The following CCDC83 variants were observed in gnomAD, a reference collection of about 807,000 sequenced individuals.
CCDC83 encodes coiled-coil domain-containing protein 83.
A neutral mutation model predicts 50.1 loss-of-function variants in CCDC83; 54 were observed. That is an observed-to-expected ratio of 1.08 (90% CI 0.87 to 1.35). The LOEUF (loss-of-function observed/expected upper bound fraction) is 1.35, where lower values mean the gene tolerates loss of function less well. Among genes scored for constraint, CCDC83 ranks in the 40% most tolerant of loss-of-function variants. The pLI, the probability that CCDC83 is intolerant of heterozygous loss-of-function variation, is 0.00. For synonymous variants in CCDC83, 161 were observed against 153.3 expected, an observed-to-expected ratio of 1.05 and a Z score of -0.37; for missense variants, 518 against 473.9, an observed-to-expected ratio of 1.09 and a Z score of -0.86.
At chr11:85,870,313 G>A (rs957698601) in intron 2 of CCDC83, among the ~76,000 whole-genome samples, 1 of 152,174 alleles carries the variant, frequency 6.6e-6, no homozygotes, top group Non-Finnish European at 1.5e-5. Flanking sequence ...GAGCCCATCT[G>A]TAGACTCAGT....
chr11:85,887,828 G>A (rs1196161931), intron 5 of CCDC83, among the ~76,000 whole-genome samples: 6 of 125,304 alleles, frequency 4.8e-5, no homozygotes, highest in Admixed American at 2.8e-4. Flanking sequence ...TTCGAGACAC[G>A]GTCTCACTCT....
chr11:85,868,809 G>A (rs1459287431), intron 2 of CCDC83, among the ~76,000 whole-genome samples: 1 of 152,224 alleles, frequency 6.6e-6, no homozygotes, highest in Non-Finnish European at 1.5e-5. Flanking sequence ...ACTGCGCCCA[G>A]CCCAGATTTG....
At chr11:85,896,783 T>A (rs1242073772) in intron 6 of CCDC83, among the ~76,000 whole-genome samples, 1 of 151,202 alleles carries the variant, frequency 6.6e-6, no homozygotes, top group African/African-American at 2.4e-5. Context: ...TTTTTAACAA[T>A]CTTGACCTCT....
At chr11:85,902,823 A>G (rs1373044305) in intron 7 of CCDC83, among the ~76,000 whole-genome samples, 1 of 152,218 alleles carries the variant, frequency 6.6e-6, no homozygotes, top group Non-Finnish European at 1.5e-5. Flanking sequence ...GCCCATGTTT[A>G]TACCATGGGT....
intron 2 of CCDC83, among the ~76,000 whole-genome samples, chr11:85,869,658 T>C (rs1945107304): frequency 6.6e-6 from 1 of 152,256 alleles, no homozygotes; most frequent in Non-Finnish European, 1.5e-5. Flanking sequence ...CAAACTGCTT[T>C]AATGTATATT....
intron 1 of CCDC83, 79 bp from the exon 2 acceptor site, chr11:85,865,017 A>T (rs1354963291): frequency 8.4e-6 from 6 of 713,746 alleles, no homozygotes; most frequent in African/African-American, 1.8e-5. Flanking sequence ...TAAGTCCCAG[A>T]GGTACCTTAT....
intron 10 of CCDC83, among the ~76,000 whole-genome samples, chr11:85,918,197 G>A (rs2093491619): frequency 6.6e-6 from 1 of 152,184 alleles, no homozygotes; most frequent in Non-Finnish European, 1.5e-5. Context: ...GCATTTAAGG[G>A]AGAGAACAGC....
chr11:85,871,123 T>C (rs924626311), intron 2 of CCDC83, among the ~76,000 whole-genome samples: 3 of 152,202 alleles, frequency 2.0e-5, no homozygotes, highest in Non-Finnish European at 4.4e-5. Flanking sequence ...GCCGAGATCA[T>C]GCTGCTGCAC....
chr11:85,873,516 T>C (rs2093252023), intron 3 of CCDC83, among the ~76,000 whole-genome samples: 2 of 152,208 alleles, frequency 1.3e-5, no homozygotes, highest in South Asian at 2.1e-4. Flanking sequence ...TGGGTTGAAT[T>C]ATGTTATTTA....
chr11:85,877,401 T>C (rs1454195499), intron 3 of CCDC83, among the ~76,000 whole-genome samples: 1 of 152,162 alleles, frequency 6.6e-6, no homozygotes, highest in East Asian at 1.9e-4. Flanking sequence ...AGCCCAGGAG[T>C]TTGAGGTTAC....
chr11:85,919,604 C>T lies in CCDC83; in HGVS notation c.*94C>T, dbSNP rs996784092. ...TGCCCATTTTACTTACACTTTGGCT[C>T]ATTTTTAAACCAGCTGTTATTTCTA... On this transcript the variant is annotated 3_prime_UTR_variant, in exon 11 of 11. Coordinates refer to ENST00000342404, the MANE Select transcript of CCDC83 (RefSeq NM_001286159.2). 28 of 854,118 alleles carry T rather than the reference C, an allele frequency of 3.3e-5. No individual in the cohort carries two copies. The highest frequency in any genetic ancestry group is 3.4e-4 in the Middle Eastern group (1 of 2,946). 52.9% of individuals were successfully genotyped at this position (854,118 alleles called of 1,614,324 possible). A position where few individuals can be genotyped will look rare whatever the true frequency, so the allele number is the denominator to read the frequency against.
intron 2 of CCDC83, among the ~76,000 whole-genome samples, chr11:85,867,119 G>C (rs1346048875): frequency 6.6e-6 from 1 of 152,128 alleles, no homozygotes; most frequent in African/African-American, 2.4e-5. Flanking sequence ...GTAGTAGCCT[G>C]ATTATAGCTC....
intron 10 of CCDC83, among the ~76,000 whole-genome samples, chr11:85,918,405 G>A (rs1041021005): frequency 6.6e-6 from 1 of 152,154 alleles, no homozygotes; most frequent in Admixed American, 6.5e-5. Context: ...TGAACACTTG[G>A]GAAAGGTTTG....
chr11:85,870,290 T>C (rs2093229684), intron 2 of CCDC83, among the ~76,000 whole-genome samples: 1 of 152,204 alleles, frequency 6.6e-6, no homozygotes, highest in Non-Finnish European at 1.5e-5. Flanking sequence ...AGCCAGGGAA[T>C]TGGTCTATTA....
chr11:85,917,166 G>GAGAGAGAGAGAGAGAGAAAGAA (rs756949334), intron 10 of CCDC83, among the ~76,000 whole-genome samples: 1 of 62,414 alleles, frequency 1.6e-5, no homozygotes, highest in African/African-American at 5.6e-5. Context: ...GAGAGAGAGA[G>GAGAGAGAGAGAGAGAGAAAGAA]AGAAAGAAAG....
intron 3 of CCDC83, among the ~76,000 whole-genome samples, chr11:85,875,801 C>T (rs796198595): frequency 2.6e-5 from 4 of 152,288 alleles, no homozygotes; most frequent in African/African-American, 9.6e-5. Context: ...CACATCATCT[C>T]TTCCTATGTA....
At chr11:85,888,217 T>C (rs2093335995) in intron 5 of CCDC83, among the ~76,000 whole-genome samples, 1 of 152,226 alleles carries the variant, frequency 6.6e-6, no homozygotes, top group African/African-American at 2.4e-5. Context: ...CTGTGATAAA[T>C]GTGGCCCTCC....
At chr11:85,912,891 T>C in intron 8 of CCDC83, 1 of 634,614 alleles carries the variant, frequency 1.6e-6, no homozygotes, top group Non-Finnish European at 2.8e-6. Flanking sequence ...GATTTTGTTC[T>C]GACATGGTTG....
At chr11:85,856,156 G>C (rs992824331) in intron 1 of CCDC83, among the ~76,000 whole-genome samples, 3 of 135,842 alleles carry the variant, frequency 2.2e-5, no homozygotes, top group African/African-American at 8.3e-5. Flanking sequence ...AAGTGATTAA[G>C]AGATGGGAAA....
Sources: allele counts gnomAD v4.1 joint callset (sites outside exome capture counted in the v4.1 genomes callset), GRCh38; gene constraint gnomAD v4.1.1; transcripts MANE v1.5; gene names NCBI Gene and HGNC (gene_info 2026-07-23, HGNC 2026-07-21).